ALK: variants seen among roughly 807,000 people sequenced by gnomAD.
The protein encoded by ALK is ALK tyrosine kinase receptor.
In ALK, 74 loss-of-function variants were observed where a neutral mutation model predicts 163.1. The ratio of observed to expected loss-of-function variants is 0.45; its 90% confidence interval spans 0.38 to 0.55. ALK has a LOEUF of 0.55. Ranked by LOEUF, ALK falls within the 20% of genes least tolerant of loss-of-function variation. The pLI, the probability that ALK is intolerant of heterozygous loss-of-function variation, is 0.00. For synonymous variants in ALK, 960 were observed against 843.2 expected, an observed-to-expected ratio of 1.14 and a Z score of -2.40; for missense variants, 2,063 against 2,105.3, an observed-to-expected ratio of 0.98 and a Z score of 0.39.
At chr2:29,525,044 T>C (rs1573428467) in intron 4 of ALK, among the ~76,000 whole-genome samples, 1 of 152,340 alleles carries the variant, frequency 6.6e-6, no homozygotes, top group African/African-American at 2.4e-5. Context: ...CTCTAGTCCA[T>C]CTGTATTCTT....
At chr2:29,713,173 C>T (rs1679156978) in intron 2 of ALK, among the ~76,000 whole-genome samples, 1 of 152,192 alleles carries the variant, frequency 6.6e-6, no homozygotes, top group East Asian at 1.9e-4. Context: ...ACATGGTGTG[C>T]ACCCTATATG....
intron 1 of ALK, among the ~76,000 whole-genome samples, chr2:29,768,739 G>GTATATA (rs747647194): frequency 7.8e-5 from 10 of 128,300 alleles, no homozygotes; most frequent in African/African-American, 2.7e-4. Flanking sequence ...GTGTGTGTGT[G>GTATATA]TGTGTATATA....
chr2:29,552,073 T>C (rs775250436), intron 3 of ALK, among the ~76,000 whole-genome samples: 2 of 152,198 alleles, frequency 1.3e-5, no homozygotes, highest in Non-Finnish European at 2.9e-5. Context: ...CTCTGTGAAT[T>C]GGCCTATTCT....
intron 2 of ALK, among the ~76,000 whole-genome samples, chr2:29,696,200 A>T (rs182522866): frequency 6.6e-6 from 1 of 152,350 alleles, no homozygotes; most frequent in Non-Finnish European, 1.5e-5. Context: ...AATATTATGC[A>T]GCCTTAAAAA....
intron 1 of ALK, among the ~76,000 whole-genome samples, chr2:29,753,128 G>A (rs1246931879): frequency 1.3e-5 from 2 of 152,146 alleles, no homozygotes; most frequent in African/African-American, 2.4e-5. Flanking sequence ...AAATAGGTGG[G>A]GAACTTCAGA....
intron 1 of ALK, among the ~76,000 whole-genome samples, chr2:29,873,487 G>A (rs1251825116): frequency 6.6e-6 from 1 of 152,118 alleles, no homozygotes; most frequent in Non-Finnish European, 1.5e-5. Context: ...GGTGATGGGG[G>A]ACAGTGATGA....
At chr2:29,486,883 CTTAAT>C (rs749400668) in intron 4 of ALK, among the ~76,000 whole-genome samples, 1 of 152,060 alleles carries the variant, frequency 6.6e-6, no homozygotes, top group Non-Finnish European at 1.5e-5. Flanking sequence ...CAATAATGAG[CTTAAT>C]TTAATTTTAA....
intron 12 of ALK, among the ~76,000 whole-genome samples, chr2:29,241,672 G>A (rs1664526045): frequency 6.6e-6 from 1 of 152,036 alleles, no homozygotes; most frequent in African/African-American, 2.4e-5. Context: ...TGCAGCAGGT[G>A]GATGGAGGGG....
intron 22 of ALK, chr2:29,221,088 T>C: frequency 1.6e-6 from 1 of 622,192 alleles, no homozygotes; most frequent in Non-Finnish European, 3.1e-6. Flanking sequence ...AGGATGTTGC[T>C]CAGGCACTTG....
chr2:29,716,008 G>A (rs1471707703), intron 2 of ALK, among the ~76,000 whole-genome samples: 2 of 152,150 alleles, frequency 1.3e-5, no homozygotes, highest in East Asian at 1.9e-4. Flanking sequence ...GAAAGGTACA[G>A]TTAATATGAA....
chr2:29,598,365 TTTTGTTTGTTTGTTTGTTTG>T (rs10623988), intron 3 of ALK, among the ~76,000 whole-genome samples: 1 of 151,424 alleles, frequency 6.6e-6, no homozygotes, highest in African/African-American at 2.4e-5. Context: ...GTTGTTTGTT[TTTTGTTTGTTTGTTTGTTTG>T]TTTGTTTGTT....
At chr2:29,811,894 G>C (rs996416611) in intron 1 of ALK, among the ~76,000 whole-genome samples, 3 of 152,138 alleles carry the variant, frequency 2.0e-5, no homozygotes, top group Non-Finnish European at 1.5e-5. Context: ...ATAATGCTAA[G>C]GTGGCAAAGC....
At chr2:29,635,841 G>A (rs889333027) in intron 3 of ALK, among the ~76,000 whole-genome samples, 1 of 151,500 alleles carries the variant, frequency 6.6e-6, no homozygotes, top group Non-Finnish European at 1.5e-5. Flanking sequence ...ATGTTGGCCA[G>A]ACTGGTCACG....
chr2:29,482,497 G>T (rs1671686128), intron 4 of ALK, among the ~76,000 whole-genome samples: 1 of 152,114 alleles, frequency 6.6e-6, no homozygotes, highest in African/African-American at 2.4e-5. Flanking sequence ...AGAGGTTGAG[G>T]TTAGCAGAGA....
chr2:29,368,616 A>G (rs1031066124), intron 5 of ALK, among the ~76,000 whole-genome samples: 1 of 152,232 alleles, frequency 6.6e-6, no homozygotes, highest in Non-Finnish European at 1.5e-5. Flanking sequence ...TATACCAGGT[A>G]GGGAAATTTC....
intron 4 of ALK, among the ~76,000 whole-genome samples, chr2:29,508,881 G>A (rs890011386): frequency 7.2e-5 from 11 of 151,944 alleles, no homozygotes; most frequent in East Asian, 5.8e-4. Flanking sequence ...CTAATTCAGC[G>A]TCTCCCAAGC....
At chr2:29,507,910 G>A (rs1321138701) in intron 4 of ALK, among the ~76,000 whole-genome samples, 1 of 152,168 alleles carries the variant, frequency 6.6e-6, no homozygotes, top group Non-Finnish European at 1.5e-5. Flanking sequence ...GCGTGGCTCT[G>A]CCGGCAGTCA....
At chr2:29,835,684 G>C (rs574899513) in intron 1 of ALK, among the ~76,000 whole-genome samples, 27 of 152,322 alleles carry the variant, frequency 1.8e-4, no homozygotes, top group African/African-American at 6.5e-4. Flanking sequence ...GGAGGGACCT[G>C]ATGGGACACA....
In ALK at chr2:29,218,694, G is replaced by A. The variant is rs1669704735; in HGVS notation, c.3645+2012C>T. Among the ~76,000 whole-genome samples the A allele has an allele frequency of 2.6e-5, 4 of 152,206 alleles. No homozygotes were observed. The South Asian group carries it at 8.3e-4, about 31-fold the overall frequency. ...TCCCTTTGCAAAGTCCCTCTCCTTT[G>A]CATGCATACAACTTTCTCTCCTTAA... On this transcript the variant is annotated intron_variant, in intron 23 of 28. Coordinates refer to ENST00000389048, the MANE Select transcript of ALK (RefSeq NM_004304.5).
Sources: allele counts gnomAD v4.1 joint callset (sites outside exome capture counted in the v4.1 genomes callset), GRCh38; gene constraint gnomAD v4.1.1; transcripts MANE v1.5; gene names NCBI Gene and HGNC (gene_info 2026-07-23, HGNC 2026-07-21).